ARHGAP24: variants seen among roughly 807,000 people sequenced by gnomAD.
ARHGAP24 encodes the protein Rho GTPase activating protein 24.
A neutral mutation model predicts 76.4 loss-of-function variants in ARHGAP24; 50 were observed. That is an observed-to-expected ratio of 0.65 (90% CI 0.52 to 0.83). ARHGAP24 has a LOEUF of 0.83. ARHGAP24 is among the 40% of genes least tolerant of loss of function. ARHGAP24 has a pLI of 0.00. For synonymous variants in ARHGAP24, 345 were observed against 323.3 expected (o/e 1.07, Z -0.72); for missense variants, 930 against 914.2 (o/e 1.02, Z -0.22).
chr4:85,839,634 A>G, intron 3 of ARHGAP24, among the ~76,000 whole-genome samples: 1 of 151,456 alleles, frequency 6.6e-6, no homozygotes, highest in East Asian at 2.0e-4. Context: ...TATTTTTAGT[A>G]GAGACCGCAT....
intron 1 of ARHGAP24, among the ~76,000 whole-genome samples, chr4:85,535,631 T>C (rs531293810): frequency 7.2e-5 from 11 of 152,326 alleles, no homozygotes; most frequent in African/African-American, 2.6e-4. Flanking sequence ...CCCATCCTAT[T>C]GGCCATCAAA....
intron 8 of ARHGAP24, among the ~76,000 whole-genome samples, chr4:85,979,958 T>C (rs1269177656): frequency 6.6e-6 from 1 of 152,240 alleles, no homozygotes; most frequent in East Asian, 1.9e-4. Flanking sequence ...CTTTGGCCAG[T>C]GGAAGCATCT....
chr4:85,994,093 G>T (rs763525550), intron 8 of ARHGAP24, among the ~76,000 whole-genome samples: 2 of 152,064 alleles, frequency 1.3e-5, no homozygotes, highest in Non-Finnish European at 2.9e-5. Flanking sequence ...ATTGTATTGG[G>T]CTCCATTTAC....
rs1191791649 is a variant in ARHGAP24 at position 85,874,813 on chromosome 4, TA to T, written c.269-48834del. Among the ~76,000 whole-genome samples the T allele has an allele frequency of 9.1e-3, 178 of 19,500 alleles. 16 individuals carry two copies. Among genetic ancestry groups the T allele is most frequent in the African/African-American group, 0.024 (144 of 6,112 alleles). 12.8% of individuals were successfully genotyped at this position (19,500 alleles called of 152,430 possible). ...ATATAATTTATATATAAAATATATT[TA>T]TATATAATTTATATATAAAATATAT... On this transcript the variant is annotated intron_variant, in intron 3 of 9. Transcript: ENST00000395184.
intron 2 of ARHGAP24, among the ~76,000 whole-genome samples, chr4:85,576,852 T>C (rs1363130166): frequency 6.6e-6 from 1 of 152,150 alleles, no homozygotes; most frequent in Non-Finnish European, 1.5e-5. Context: ...AGAATAAAAT[T>C]ATTCGAATTG....
chr4:85,527,392 AT>A lies in ARHGAP24; in HGVS notation c.-20-43127del, dbSNP rs1725053160. 2.0e-5 allele frequency among the ~76,000 whole-genome samples: 3 copies of A among 152,246 alleles called. No individual in the cohort carries two copies. The South Asian group carries it at 6.2e-4, about 32-fold the overall frequency. On this transcript the variant is annotated intron_variant, in intron 1 of 9. Transcript: ENST00000395184. ...TATGATGATAAATGGCATATTTTCT[AT>A]TTCAGAAGATAGGCATGCATATTAA...
intron 5 of ARHGAP24, among the ~76,000 whole-genome samples, chr4:85,971,104 A>G (rs894685812): frequency 1.3e-5 from 2 of 152,198 alleles, no homozygotes; most frequent in African/African-American, 4.8e-5. Context: ...CATTCTAAGG[A>G]TTCCCAGCCA....
chr4:85,586,162 T>C lies in ARHGAP24; in HGVS notation c.180+15441T>C, dbSNP rs540006159. 2.0e-5 allele frequency among the ~76,000 whole-genome samples: 3 copies of C among 152,316 alleles called. No homozygotes were observed. In the East Asian group the frequency reaches 5.8e-4, roughly 29 times the overall value. On this transcript the variant is annotated intron_variant, in intron 2 of 9. Transcript: ENST00000395184. ...TTTCTTGTTCTTGCTCATATTCTTTTAGCCAATTGCTATGGTGAGGCATTA... is the reference window on the plus strand; with the variant it reads ...TTTCTTGTTCTTGCTCATATTCTTTCAGCCAATTGCTATGGTGAGGCATTA...
At chr4:85,617,487 A>G (rs765505425) in intron 2 of ARHGAP24, among the ~76,000 whole-genome samples, 152 of 152,006 alleles carry the variant, frequency 1.0e-3, no homozygotes, top group Non-Finnish European at 2.0e-3. Context: ...TATATATTTC[A>G]TTCTTTAGTT....
intron 2 of ARHGAP24, among the ~76,000 whole-genome samples, chr4:85,669,672 T>G (rs1296399649): frequency 1.5e-5 from 1 of 66,922 alleles, no homozygotes; most frequent in Admixed American, 2.1e-4. Context: ...TATATATATA[T>G]ATATATATAT....
At chr4:85,763,020 G>A (rs34949750) in intron 3 of ARHGAP24, among the ~76,000 whole-genome samples, 59,900 of 151,948 alleles carry the variant, frequency 0.39, 13,123 homozygotes, top group East Asian at 0.91. Context: ...TATCTAAAAT[G>A]AAACATTTTT....
rs532330402 is a variant in ARHGAP24, at chr4:85,626,017, T to C, written c.180+55296T>C. Among the ~76,000 whole-genome samples, 1,060 of 152,342 alleles carry C rather than the reference T, an allele frequency of 7.0e-3. 12 individuals are homozygous for C. Among genetic ancestry groups the C allele is most frequent in the Non-Finnish European group, 0.012 (785 of 68,020 alleles). On this transcript the variant is annotated intron_variant, in intron 2 of 9. Coordinates refer to ENST00000395184, the MANE Select transcript of ARHGAP24 (RefSeq NM_001025616.3). ...ACAGCACACTGATGGGTCTTGACTCTTTATCCAATTTGCCAGTCTGTGTCT... is the reference window on the plus strand; with the variant it reads ...ACAGCACACTGATGGGTCTTGACTCCTTATCCAATTTGCCAGTCTGTGTCT...
chr4:85,564,544 T>TA (rs75459697), intron 1 of ARHGAP24, among the ~76,000 whole-genome samples: 56 of 146,934 alleles, frequency 3.8e-4, no homozygotes, highest in African/African-American at 1.3e-3. Flanking sequence ...AGTATAATAA[T>TA]AAAAAAAAAT....
At chr4:85,872,747 AC>A (rs1732613017) in intron 3 of ARHGAP24, among the ~76,000 whole-genome samples, 1 of 150,364 alleles carries the variant, frequency 6.7e-6, no homozygotes, top group South Asian at 2.1e-4. Flanking sequence ...ACAAGCATAC[AC>A]CACCATGCCC....
chr4:85,694,347 G>A (rs1447198190), intron 2 of ARHGAP24, among the ~76,000 whole-genome samples: 2 of 151,840 alleles, frequency 1.3e-5, no homozygotes, highest in Non-Finnish European at 2.9e-5. Flanking sequence ...GGAAGAACAC[G>A]GGATTTGGAA....
intron 1 of ARHGAP24, among the ~76,000 whole-genome samples, chr4:85,526,128 T>G (rs1724981644): frequency 6.6e-6 from 1 of 152,114 alleles, no homozygotes; most frequent in Non-Finnish European, 1.5e-5. Flanking sequence ...GACTTATTTT[T>G]GGCCGGGTAT....
At chr4:85,577,654 G>A (rs1038127864) in intron 2 of ARHGAP24, among the ~76,000 whole-genome samples, 25 of 152,118 alleles carry the variant, frequency 1.6e-4, no homozygotes, top group African/African-American at 4.1e-4. Flanking sequence ...AATTCTAGTG[G>A]GTATTAGGCA....
intron 3 of ARHGAP24, among the ~76,000 whole-genome samples, chr4:85,801,523 A>G (rs999386588): frequency 6.6e-6 from 1 of 152,240 alleles, no homozygotes; most frequent in South Asian, 2.1e-4. Flanking sequence ...TGAAATATGT[A>G]TATTTACAGT....
At chr4:85,731,169 T>TACAAC (rs1725393554) in intron 3 of ARHGAP24, among the ~76,000 whole-genome samples, 3 of 20,482 alleles carry the variant, frequency 1.5e-4, no homozygotes, top group Non-Finnish European at 4.3e-4. Context: ...AAAACCACCT[T>TACAAC]CTTATACCAA....
Sources: allele counts gnomAD v4.1 joint callset (sites outside exome capture counted in the v4.1 genomes callset), GRCh38; gene constraint gnomAD v4.1.1; transcripts MANE v1.5; gene names NCBI Gene and HGNC (gene_info 2026-07-23, HGNC 2026-07-21).